DCDC2: variants seen among roughly 807,000 people sequenced by gnomAD.
DCDC2 encodes doublecortin domain containing 2.
A neutral mutation model predicts 50.2 loss-of-function variants in DCDC2; 40 were observed. That is an observed-to-expected ratio of 0.80 (90% CI 0.62 to 1.04). DCDC2 has a LOEUF of 1.04. Among genes scored for constraint, DCDC2 ranks in the 50% least tolerant of loss-of-function variants. The pLI is 0.00. For missense variants in DCDC2, 570 were observed against 581.9 expected (o/e 0.98, Z 0.21); for synonymous variants, 234 against 210.6 (o/e 1.11, Z -0.96).
Position 24,296,674 on chromosome 6 carries a change from AAAG to A in DCDC2, c.557+5038_557+5040del, listed in dbSNP as rs769026543. Among the ~76,000 whole-genome samples, 11 of 152,246 alleles carry A rather than the reference AAAG, an allele frequency of 7.2e-5. 1 individual carries two copies. The highest frequency in any genetic ancestry group is 2.2e-4 in the African/African-American group (9 of 41,470). ...AAAGGACATGAACAGACACTTTTCA[AAAG>A]AAGACATACTTGCAGCCAACAAGCA... On this transcript the variant is annotated intron_variant, in intron 4 of 9. Coordinates refer to ENST00000378454, the MANE Select transcript of DCDC2 (RefSeq NM_016356.5).
At chr6:24,189,997 G>T (rs908295095) in intron 8 of DCDC2, among the ~76,000 whole-genome samples, 5 of 150,026 alleles carry the variant, frequency 3.3e-5, no homozygotes, top group African/African-American at 1.2e-4. Flanking sequence ...GAGGTGTTTT[G>T]AAATAATCAG....
chr6:24,374,034 C>A, the DCDC2 span, among the ~76,000 whole-genome samples: 1 of 151,656 alleles, frequency 6.6e-6, no homozygotes, highest in Non-Finnish European at 1.5e-5. Context: ...TGGTGGCGGG[C>A]GCCTGTAGTT....
At chr6:24,352,739 C>T (rs750060587) in intron 2 of DCDC2, among the ~76,000 whole-genome samples, 11 of 152,096 alleles carry the variant, frequency 7.2e-5, no homozygotes, top group Non-Finnish European at 1.6e-4. Context: ...CTCTGGACTA[C>T]AAGTGAGAAA....
At chr6:24,238,076 AG>A (rs1762486235) in intron 7 of DCDC2, among the ~76,000 whole-genome samples, 1 of 69,814 alleles carries the variant, frequency 1.4e-5, no homozygotes, top group Non-Finnish European at 3.2e-5. Context: ...CTAAAATAAA[AG>A]GTTTTTTTTT....
At chr6:24,292,933 T>C (rs1166211492) in intron 4 of DCDC2, among the ~76,000 whole-genome samples, 4 of 152,340 alleles carry the variant, frequency 2.6e-5, no homozygotes, top group East Asian at 3.9e-4. Context: ...TCATACCTGC[T>C]TGAGAGCCAA....
At chr6:24,368,150 C>A in the DCDC2 span, among the ~76,000 whole-genome samples, 1 of 151,116 alleles carries the variant, frequency 6.6e-6, no homozygotes, top group Non-Finnish European at 1.5e-5. Flanking sequence ...AAAAAAATAA[C>A]AAATAAGTTA....
intron 2 of DCDC2, among the ~76,000 whole-genome samples, chr6:24,306,367 T>C (rs569063627): frequency 3.0e-4 from 45 of 152,274 alleles, no homozygotes; most frequent in African/African-American, 1.0e-3. Flanking sequence ...GGGCTCAACA[T>C]TGTCTTGAAA....
At chr6:24,355,639 C>G (rs532045070) in intron 1 of DCDC2, among the ~76,000 whole-genome samples, 1 of 152,164 alleles carries the variant, frequency 6.6e-6, no homozygotes, top group Admixed American at 6.5e-5. Context: ...TCTTCAGTCT[C>G]CTGGTTTTAA....
chr6:24,376,737 CAA>C, the DCDC2 span, among the ~76,000 whole-genome samples: 23 of 46,752 alleles, frequency 4.9e-4, no homozygotes, highest in African/African-American at 1.4e-3. Flanking sequence ...CAGGTATATG[CAA>C]AAAAAAAAAA....
At chr6:24,214,931 T>C (rs4282394) in intron 7 of DCDC2, among the ~76,000 whole-genome samples, 149,495 of 152,216 alleles carry the variant, frequency 0.98, 73,403 homozygotes, top group East Asian at 1. Context: ...TATTATGCAA[T>C]GTTTACTGAG....
chr6:24,308,379 G>T (rs1020369368), intron 2 of DCDC2, among the ~76,000 whole-genome samples: 1 of 152,190 alleles, frequency 6.6e-6, no homozygotes, highest in Non-Finnish European at 1.5e-5. Context: ...AGCCCAGCCT[G>T]TTCCCAGCTC....
chr6:24,278,277 A>G (rs1039260468), intron 6 of DCDC2, 66 bp from the exon 7 acceptor site: 57 of 1,434,908 alleles, frequency 4.0e-5, no homozygotes, highest in Non-Finnish European at 5.0e-5. Flanking sequence ...CCCAGTAAAT[A>G]CATGTCATTA....
chr6:24,291,676 C>T (rs62400413), intron 4 of DCDC2, among the ~76,000 whole-genome samples: 2 of 150,364 alleles, frequency 1.3e-5, no homozygotes, highest in African/African-American at 2.4e-5. Flanking sequence ...TAGTAGAGAC[C>T]GGGTTTCACC....
rs148164394 is a variant in DCDC2, at chr6:24,255,418, C to T, written c.922+22631G>A. ...CTTCCAGAAGAAAACATAGGAAAAA[C>T]ATTAATCCTAAAGGAAAAGTTAATA... On this transcript the variant is annotated intron_variant, in intron 7 of 9. Transcript: ENST00000378454. Among the ~76,000 whole-genome samples the T allele has an allele frequency of 7.5e-4, 110 of 146,450 alleles. 1 individual carries two copies. Among genetic ancestry groups the T allele is most frequent in the African/African-American group, 2.6e-3 (104 of 40,082 alleles).
chr6:24,186,751 G>A (rs1761211741), intron 8 of DCDC2, among the ~76,000 whole-genome samples: 1 of 152,180 alleles, frequency 6.6e-6, no homozygotes, highest in African/African-American at 2.4e-5. Context: ...CTGTTAAGCA[G>A]CATCAAATTA....
chr6:24,369,305 T>C, the DCDC2 span, among the ~76,000 whole-genome samples: 1 of 152,020 alleles, frequency 6.6e-6, no homozygotes, highest in Non-Finnish European at 1.5e-5. Flanking sequence ...GTAACCATTG[T>C]TTTAAAAAAT....
At chr6:24,179,196 A>G (rs560510384) in intron 8 of DCDC2, among the ~76,000 whole-genome samples, 8 of 152,208 alleles carry the variant, frequency 5.3e-5, no homozygotes, top group South Asian at 2.1e-4. Flanking sequence ...TCTAAACACA[A>G]TAACTGATTT....
intron 5 of DCDC2, among the ~76,000 whole-genome samples, chr6:24,289,967 T>C (rs1581634114): frequency 9.2e-6 from 1 of 108,118 alleles, no homozygotes; most frequent in African/African-American, 3.5e-5. Context: ...GGGCCAGAGC[T>C]CTTCTTTTTT....
rs534405449 is a variant in DCDC2, at chr6:24,309,664, T to C, written c.349-7620A>G. Among the ~76,000 whole-genome samples the C allele has an allele frequency of 4.3e-4, 66 of 152,246 alleles. No homozygotes were observed. In the South Asian group the frequency reaches 0.011, roughly 26 times the overall value. ...AAAGACAAGAAAGAACAAAAACAAA[T>C]ATTAGATGGAACAAAAAAACAAATA... On this transcript the variant is annotated intron_variant, in intron 2 of 9. Coordinates refer to ENST00000378454, the MANE Select transcript of DCDC2 (RefSeq NM_016356.5).
Sources: allele counts gnomAD v4.1 joint callset (sites outside exome capture counted in the v4.1 genomes callset), GRCh38; gene constraint gnomAD v4.1.1; transcripts MANE v1.5; gene names NCBI Gene and HGNC (gene_info 2026-07-23, HGNC 2026-07-21).